TAMALIN: variants seen among roughly 807,000 people sequenced by gnomAD.
TAMALIN encodes protein TAMALIN.
TAMALIN carries 9 observed loss-of-function variants against 38.5 expected under a neutral mutation model. That is an observed-to-expected ratio of 0.23 (90% CI 0.14 to 0.41). TAMALIN has a LOEUF of 0.41. TAMALIN is among the 10% of genes least tolerant of loss of function. TAMALIN has a pLI of 1.00. For synonymous variants in TAMALIN, 306 were observed against 256.5 expected (o/e 1.19, Z -1.85); for missense variants, 548 against 554.1 (o/e 0.99, Z 0.11).
At chr12:52,014,114 G>A in intron 6 of TAMALIN, 21 bp from the exon 7 acceptor site, 1 of 1,601,208 alleles carries the variant, frequency 6.2e-7, no homozygotes, top group Non-Finnish European at 8.5e-7. Flanking sequence ...GTGACAGTGG[G>A]GTGGGGACTG....
At position 52,011,028 on chromosome 12, in the gene TAMALIN, G is replaced by A. The variant is rs748848808; in HGVS notation, c.352-11G>A. On this transcript the variant is annotated splice_polypyrimidine_tract_variant and intron_variant, in intron 3 of 7. Transcript: ENST00000293662. This position sits in a 1 kb window ranked among gnomAD's most constrained non-coding sequence, Gnocchi z 5.3. ...CCAACCCTGGGCTGAGGGTCCCCTT[G>A]TCCATTACAGACTTATGGCCTTCAC... 6.2e-7 allele frequency: 1 copy of A among 1,613,818 alleles called. No homozygotes were observed. Among genetic ancestry groups the A allele is most frequent in the African/African-American group, 1.3e-5 (1 of 75,022 alleles).
Position 52,011,328 on chromosome 12 carries a change from T to G in TAMALIN, c.454+187T>G. On this transcript the variant is annotated intron_variant, in intron 4 of 7. Transcript: ENST00000293662. The surrounding 1 kb of genome is among the most constrained non-coding windows in gnomAD (Gnocchi z 5.3). Reference sequence around the variant, plus strand: ...AAATTTGCCATGTACTGTGTGATCTTGCACAGCCCCATCTACAAAATGAGG... The same window carrying G: ...AAATTTGCCATGTACTGTGTGATCTGGCACAGCCCCATCTACAAAATGAGG... 1.1e-6 allele frequency: 1 copy of G among 906,834 alleles called. No individual in the cohort carries two copies. The highest frequency in any genetic ancestry group is 1.7e-6 in the Non-Finnish European group (1 of 588,050). 56.2% of individuals were successfully genotyped at this position (906,834 alleles called of 1,614,324 possible). A position where few individuals can be genotyped will look rare whatever the true frequency, so the allele number is the denominator to read the frequency against.
chr12:52,007,787 C>A lies in TAMALIN; in HGVS notation c.246+522C>A. The A allele has an allele frequency of 1.0e-6, 1 of 985,432 alleles. No individual in the cohort carries two copies. The highest frequency in any genetic ancestry group is 1.2e-6 in the Non-Finnish European group (1 of 829,922). 61.0% of individuals were successfully genotyped at this position (985,432 alleles called of 1,614,324 possible). On this transcript the variant is annotated intron_variant, in intron 1 of 7. Transcript: ENST00000293662. The surrounding 1 kb of genome is among the most constrained non-coding windows in gnomAD (Gnocchi z 6.7). ...GACTCCCCGATTCCTGGGCTGGGGG[C>A]CTGCCGCCTGGCCCCACGTCTGACG...
chr12:52,013,929 C>T lies in TAMALIN; in HGVS notation c.601C>T (p.Leu201=), dbSNP rs776000327. Residue 201 remains leucine (L), a synonymous_variant, in exon 6 of 8, where the codon CTG becomes TTG. Transcript: ENST00000293662. ...SIRKAELEAR[L]QYLKQTLYEK... The stretch of plus-strand genomic sequence containing the variant: ...TCGGAAGGCAGAACTGGAGGCTCGT[C>T]TGCAGTACCTGAAGGTAGGGGAACC... 1 of 1,614,122 alleles carries T rather than the reference C, an allele frequency of 6.2e-7. No individual in the cohort carries two copies. Among genetic ancestry groups the T allele is most frequent in the Non-Finnish European group, 8.5e-7 (1 of 1,179,996 alleles).
At chr12:52,014,276 G>C in intron 7 of TAMALIN, 75 bp downstream of exon 7, 1 of 1,277,276 alleles carries the variant, frequency 7.8e-7, no homozygotes, top group Non-Finnish European at 1.1e-6. Flanking sequence ...CCTCAGAACT[G>C]GCGGGTTCTA....
In TAMALIN at chr12:52,014,917, GCCCCCGGCCCGCGCCTTCGGCCCGGGCC is replaced by G; in HGVS notation, c.909_936del (p.Ala305ArgfsTer15). ...AGCCGCCGGCGCTGCCGCCCCCGCC[GCCCCCGGCCCGCGCCTTCGGCCCGGGCC>G]CCGCCGAGACCCCTGCCGTGGGGCC... is the stretch of plus-strand genomic sequence containing the variant. On this transcript the variant is annotated frameshift_variant, in exon 8 of 8. Transcript: ENST00000293662. LOFTEE classifies it high-confidence loss of function. 2 of 1,086,016 alleles carry G rather than the reference GCCCCCGGCCCGCGCCTTCGGCCCGGGCC, an allele frequency of 1.8e-6. No individual in the cohort carries two copies. The highest frequency in any genetic ancestry group is 2.2e-6 in the Non-Finnish European group (2 of 891,860). 67.3% of individuals were successfully genotyped at this position (1,086,016 alleles called of 1,614,324 possible). A position where few individuals can be genotyped will look rare whatever the true frequency, so the allele number is the denominator to read the frequency against.
Position 52,014,989 on chromosome 12 carries a change from C to T in TAMALIN, c.978C>T (p.Ala326=). The change falls in exon 8 of 8, where the codon GCC becomes GCT. Residue 326 remains alanine, a synonymous_variant. Transcript: ENST00000293662. ...TGGGGCCGGGCCCTGGGCCGCGGGCCGCGCTGAGCCGCAGCGCCAGTGTGC... is the reference window on the plus strand; with the variant it reads ...TGGGGCCGGGCCCTGGGCCGCGGGCTGCGCTGAGCCGCAGCGCCAGTGTGC... ...PAVGPGPGPR[A]ALSRSASVRC... 2 of 978,590 alleles carry T rather than the reference C, an allele frequency of 2.0e-6. No individual in the cohort carries two copies. Among genetic ancestry groups the T allele is most frequent in the Non-Finnish European group, 2.4e-6 (2 of 822,042 alleles). The allele number at this position is 978,590 out of a possible 1,614,324, so 60.6% of individuals were successfully genotyped here.
chr12:52,009,827 G>A (rs1942471929), intron 2 of TAMALIN, among the ~76,000 whole-genome samples: 1 of 152,188 alleles, frequency 6.6e-6, no homozygotes, highest in African/African-American at 2.4e-5. Context: ...TCTCTAAAAT[G>A]GATCAGCAAA....
chr12:52,010,189 C>T (rs1942479859), intron 2 of TAMALIN, among the ~76,000 whole-genome samples: 1 of 152,178 alleles, frequency 6.6e-6, no homozygotes, highest in African/African-American at 2.4e-5. Flanking sequence ...AGCCTGGTCT[C>T]CAGGGCCTTT....
At position 52,007,253 on chromosome 12, in the gene TAMALIN, G is replaced by C; in HGVS notation, c.234G>C (p.Leu78=). 1 of 1,406,654 alleles carries C rather than the reference G, an allele frequency of 7.1e-7. No individual in the cohort carries two copies. Among genetic ancestry groups the C allele is most frequent in the Non-Finnish European group, 9.2e-7 (1 of 1,084,152 alleles). 87.1% of individuals were successfully genotyped at this position (1,406,654 alleles called of 1,614,324 possible). ...CGCTCGCCGTGTCCGGGGGCACCCTGCCCCGCCGAAAGGTGCGTCCCCCGC... is the reference window on the plus strand; with the variant it reads ...CGCTCGCCGTGTCCGGGGGCACCCTCCCCCGCCGAAAGGTGCGTCCCCCGC... ...YRALAVSGGT[L]PRRKGSGFRW... Residue 78 remains leucine (L), a synonymous_variant, in exon 1 of 8, where the codon CTG becomes CTC. Transcript: ENST00000293662. The surrounding 1 kb of genome is among the most constrained non-coding windows in gnomAD (Gnocchi z 6.7).
rs1485516938 is a variant in TAMALIN, at chr12:52,011,684, C to A, written c.454+543C>A. 2.0e-5 allele frequency among the ~76,000 whole-genome samples: 3 copies of A among 152,104 alleles called. No individual in the cohort carries two copies. The highest frequency in any genetic ancestry group is 1.3e-4 in the Admixed American group (2 of 15,268). On this transcript the variant is annotated intron_variant, in intron 4 of 7. Transcript: ENST00000293662. This position sits in a 1 kb window ranked among gnomAD's most constrained non-coding sequence, Gnocchi z 5.3. ...GTGGCGTAATCATAACTCACTATAA[C>A]CTTGAACTCCTGGGCTCAAGCGATC...
Position 52,007,864 on chromosome 12 carries a change from G to A in TAMALIN, c.246+599G>A. On this transcript the variant is annotated intron_variant, in intron 1 of 7. Transcript: ENST00000293662. This position sits in a 1 kb window ranked among gnomAD's most constrained non-coding sequence, Gnocchi z 6.7. ...TGGACTTCTGTCGGAACCGGACGCA[G>A]TGGGAGGGGTCGCAGGGCGCCCGCG... The A allele has an allele frequency of 1.0e-6, 1 of 985,432 alleles. No homozygotes were observed. Among genetic ancestry groups the A allele is most frequent in the Non-Finnish European group, 1.2e-6 (1 of 829,910 alleles). The allele number at this position is 985,432 out of a possible 1,614,324, so 61.0% of individuals were successfully genotyped here. A position where few individuals can be genotyped will look rare whatever the true frequency, so the allele number is the denominator to read the frequency against.
At chr12:52,014,478 G>A (rs750843446) in intron 7 of TAMALIN, 185 of 599,994 alleles carry the variant, frequency 3.1e-4, no homozygotes, top group Non-Finnish European at 4.5e-4. Flanking sequence ...AATTATTTCC[G>A]AGGCCCGTTT....
At chr12:52,010,834 T>A (rs1298913) in intron 2 of TAMALIN, 47 bp from the exon 3 acceptor site, 2 of 1,607,036 alleles carry the variant, frequency 1.2e-6, no homozygotes, top group African/African-American at 2.7e-5. Flanking sequence ...CTATGGGACT[T>A]CTACACCTTT....
In TAMALIN at chr12:52,007,342, C is replaced by G; in HGVS notation, c.246+77C>G. 1 of 1,323,618 alleles carries G rather than the reference C, an allele frequency of 7.6e-7. No homozygotes were observed. The allele number at this position is 1,323,618 out of a possible 1,614,324, so 82.0% of individuals were successfully genotyped here. A position where few individuals can be genotyped will look rare whatever the true frequency, so the allele number is the denominator to read the frequency against. On this transcript the variant is annotated intron_variant, in intron 1 of 7. Coordinates refer to ENST00000293662, the MANE Select transcript of TAMALIN (RefSeq NM_181711.4). The surrounding 1 kb of genome is among the most constrained non-coding windows in gnomAD (Gnocchi z 6.7). The stretch of plus-strand genomic sequence containing the variant: ...ACAGGGCCTGCTGACTCCGCAGTGC[C>G]CTCTCCTCGGCGTCCGCGGAGTCCC...
Position 52,007,308 on chromosome 12 carries a change from C to T in TAMALIN, c.246+43C>T. 8.7e-6 allele frequency: 12 copies of T among 1,385,078 alleles called. No individual in the cohort carries two copies. Among genetic ancestry groups the T allele is most frequent in the African/African-American group, 1.5e-5 (1 of 66,766 alleles). The allele number at this position is 1,385,078 out of a possible 1,614,324, so 85.8% of individuals were successfully genotyped here. A position where few individuals can be genotyped will look rare whatever the true frequency, so the allele number is the denominator to read the frequency against. On this transcript the variant is annotated intron_variant, in intron 1 of 7. Transcript: ENST00000293662. This position sits in a 1 kb window ranked among gnomAD's most constrained non-coding sequence, Gnocchi z 6.7. ...CTTCAGGATCTGCTCAGCCCCTCTC[C>T]GACTCCCTACAGGGCCTGCTGACTC...
At chr12:52,012,122 A>G (rs540771074) in intron 4 of TAMALIN, among the ~76,000 whole-genome samples, 1 of 152,324 alleles carries the variant, frequency 6.6e-6, no homozygotes, top group African/African-American at 2.4e-5. Context: ...GGCACACGCA[A>G]AAGAGACAAA....
In TAMALIN at chr12:52,015,100, C is replaced by T. The variant is rs765807414; in HGVS notation, c.1089C>T (p.Pro363=). The T allele has an allele frequency of 4.5e-6, 7 of 1,564,670 alleles. No individual in the cohort carries two copies. The highest frequency in any genetic ancestry group is 6.0e-6 in the Non-Finnish European group (7 of 1,163,388). Residue 363 remains proline (P), a synonymous_variant, in exon 8 of 8, where the codon CCC becomes CCT. Transcript: ENST00000293662. ...CTCGCGAGCAGGCCCTATGCGGCCCCGGCCTGCGCAAAACCAAGTACCGCA... is the reference window on the plus strand; with the variant it reads ...CTCGCGAGCAGGCCCTATGCGGCCCTGGCCTGCGCAAAACCAAGTACCGCA... ...TEAREQALCG[P]GLRKTKYRSF...
chr12:52,015,512 C>T lies in TAMALIN; in HGVS notation c.*313C>T. 3.7e-6 allele frequency: 1 copy of T among 271,762 alleles called. No individual in the cohort carries two copies. The highest frequency in any genetic ancestry group is 7.1e-6 in the Non-Finnish European group (1 of 140,786). The allele number at this position is 271,762 out of a possible 1,614,324, so 16.8% of individuals were successfully genotyped here. ...CTTGTGGGGTATCCAGGAACACCCT[C>T]CCAGCAGGGGATGGGAACCCTGTCC... On this transcript the variant is annotated 3_prime_UTR_variant, in exon 8 of 8. Coordinates refer to ENST00000293662, the MANE Select transcript of TAMALIN (RefSeq NM_181711.4).
Sources: gnomAD v4.1 joint callset for allele counts (sites outside exome capture counted in the v4.1 genomes callset) on GRCh38, gnomAD v4.1.1 for gene constraint, Gnocchi (gnomAD v3.1) non-coding constraint, MANE v1.5 for transcripts, NCBI Gene and HGNC (gene_info 2026-07-23, HGNC 2026-07-21) for gene names.